The following NVL variants were observed in gnomAD, a reference collection of about 807,000 sequenced individuals.
NVL encodes nuclear valosin-containing protein-like.
A neutral mutation model predicts 110.2 loss-of-function variants in NVL; 84 were observed. The observed-to-expected ratio is 0.76, with a 90% CI of 0.64 to 0.91. The LOEUF (loss-of-function observed/expected upper bound fraction) is 0.91. Among genes scored for constraint, NVL ranks in the 40% least tolerant of loss-of-function variants. The pLI, the probability that NVL is intolerant of heterozygous loss-of-function variation, is 0.00. For synonymous variants in NVL, 354 were observed against 361.1 expected (o/e 0.98, Z 0.22); for missense variants, 882 against 1,035.9 (o/e 0.85, Z 2.04).
chr1:224,294,373 T>C lies in NVL; in HGVS notation c.1219A>G (p.Ile407Val). The change falls in exon 12 of 23, where the codon ATT becomes GTT. Residue 407 changes from isoleucine (I) to valine (V), a missense_variant. Ile to Val is a conservative substitution (Grantham distance 29). Around this residue, in one of 4 missense-constraint regions of NVL, gnomAD observed 416 missense variants for 499.3 expected, o/e 0.83. Transcript: ENST00000281701. ...NVAATARVLV[I>V]GATNRPDSLD... Reference sequence around the variant, plus strand: ...GAGTCTGGTCGATTAGTAGCTCCAATAACTAGGACCCGGGCTGTAGCAGCC... The same window carrying C: ...GAGTCTGGTCGATTAGTAGCTCCAACAACTAGGACCCGGGCTGTAGCAGCC... The C allele has an allele frequency of 1.2e-6, 2 of 1,614,024 alleles. No homozygotes were observed. Among genetic ancestry groups the C allele is most frequent in the East Asian group, 2.2e-5 (1 of 44,868 alleles).
chr1:224,240,785 T>C (rs1661103657), intron 19 of NVL, among the ~76,000 whole-genome samples: 1 of 92,810 alleles, frequency 1.1e-5, no homozygotes, highest in African/African-American at 5.7e-5. Flanking sequence ...AAACTGTCCT[T>C]TTTTTTTTTT....
intron 15 of NVL, among the ~76,000 whole-genome samples, chr1:224,285,430 G>A (rs550138174): frequency 5.3e-5 from 8 of 151,988 alleles, no homozygotes; most frequent in African/African-American, 1.2e-4. Context: ...ATGAGACTCC[G>A]TCTCAAAAAT....
intron 6 of NVL, among the ~76,000 whole-genome samples, chr1:224,306,577 T>C (rs1668941858): frequency 6.6e-6 from 1 of 152,050 alleles, no homozygotes; most frequent in Non-Finnish European, 1.5e-5. Flanking sequence ...AAAAAAATTG[T>C]TTTTAAGTAT....
chr1:224,304,343 T>C (rs1668707996), intron 8 of NVL, among the ~76,000 whole-genome samples: 1 of 152,134 alleles, frequency 6.6e-6, no homozygotes, highest in African/African-American at 2.4e-5. Context: ...AAGAATCTCT[T>C]GAACCTGGGA....
At chr1:224,329,926 A>G in intron 1 of NVL, 145 bp downstream of exon 1, 5 of 776,316 alleles carry the variant, frequency 6.4e-6, no homozygotes, top group South Asian at 5.1e-5. Context: ...AGCACCAACT[A>G]AGGAGAAACA....
rs2102757186 is a variant in NVL at position 224,250,302 on chromosome 1, T to C, written c.2199A>G (p.Ala733=). ...ATNRPDIIDP[A]ILRPGRLDKT... is the part of the protein sequence containing the mutation. ...TGTCCAGGCGGCCCGGGCGCAGGATTGCAGGGTCAATTATATCTAGAGAAG... is the reference window on the plus strand; with the variant it reads ...TGTCCAGGCGGCCCGGGCGCAGGATCGCAGGGTCAATTATATCTAGAGAAG... The change falls in exon 19 of 23, where the codon GCA becomes GCG. Residue 733 remains alanine, a synonymous_variant. Coordinates refer to ENST00000281701, the MANE Select transcript of NVL (RefSeq NM_002533.4). 2 of 1,590,234 alleles carry C rather than the reference T, an allele frequency of 1.3e-6. No individual in the cohort carries two copies. The highest frequency in any genetic ancestry group is 8.5e-7 in the Non-Finnish European group (1 of 1,172,044).
Position 224,295,189 on chromosome 1 carries a change from A to G in NVL, c.1181-778T>C, listed in dbSNP as rs955071433. Among the ~76,000 whole-genome samples the G allele has an allele frequency of 2.6e-5, 4 of 151,494 alleles. No homozygotes were observed. In the East Asian group the frequency reaches 5.8e-4, roughly 22 times the overall value. ...TAATTAAATCATGAGGAGTTTATAC[A>G]GTGTGTTCTTTTTTTTTTTTTGAGA... On this transcript the variant is annotated intron_variant, in intron 11 of 22. Coordinates refer to ENST00000281701, the MANE Select transcript of NVL (RefSeq NM_002533.4).
At chr1:224,249,363 C>G (rs1662209700) in intron 19 of NVL, among the ~76,000 whole-genome samples, 1 of 152,112 alleles carries the variant, frequency 6.6e-6, no homozygotes, top group Non-Finnish European at 1.5e-5. Flanking sequence ...GAGGTCAAAG[C>G]AATCCACCTG....
intron 19 of NVL, among the ~76,000 whole-genome samples, chr1:224,247,277 C>T (rs1661959127): frequency 6.6e-6 from 1 of 152,032 alleles, no homozygotes; most frequent in South Asian, 2.1e-4. Flanking sequence ...GTGACCATGG[C>T]ACACTGCAGC....
At chr1:224,271,809 G>A (rs887313853) in intron 17 of NVL, among the ~76,000 whole-genome samples, 4 of 151,876 alleles carry the variant, frequency 2.6e-5, no homozygotes, top group African/African-American at 7.3e-5. Context: ...TCAGGAGTTC[G>A]AGACCAGTCT....
At chr1:224,287,729 T>G (rs776155685) in intron 14 of NVL, 46 bp downstream of exon 14, 4 of 1,533,092 alleles carry the variant, frequency 2.6e-6, no homozygotes, top group Non-Finnish European at 3.6e-6. Flanking sequence ...ATCTCTGGTC[T>G]TTAATCCATG....
intron 2 of NVL, among the ~76,000 whole-genome samples, chr1:224,322,714 G>C (rs886144473): frequency 2.0e-5 from 3 of 152,196 alleles, no homozygotes; most frequent in African/African-American, 7.2e-5. Context: ...AGCATGTTGG[G>C]AGAATGAGGC....
At chr1:224,248,573 G>C (rs1662118922) in intron 19 of NVL, among the ~76,000 whole-genome samples, 1 of 152,110 alleles carries the variant, frequency 6.6e-6, no homozygotes, top group African/African-American at 2.4e-5. Flanking sequence ...TCCTTTGTCA[G>C]CATCAAAAGA....
At chr1:224,288,958 T>C (rs549989792) in intron 13 of NVL, among the ~76,000 whole-genome samples, 17 of 152,354 alleles carry the variant, frequency 1.1e-4, no homozygotes, top group African/African-American at 3.4e-4. Context: ...GACATGGATA[T>C]AGTTGTGTCA....
At chr1:224,295,468 A>G (rs1571982544) in intron 11 of NVL, among the ~76,000 whole-genome samples, 1 of 151,970 alleles carries the variant, frequency 6.6e-6, no homozygotes. Flanking sequence ...CCAAAGTGCT[A>G]AGATTACAGG....
At chr1:224,230,274 A>G (rs1477292044) in intron 22 of NVL, among the ~76,000 whole-genome samples, 1 of 152,248 alleles carries the variant, frequency 6.6e-6, no homozygotes, top group Non-Finnish European at 1.5e-5. Flanking sequence ...AAAAGCGTAG[A>G]GTAGGTCAAA....
intron 19 of NVL, among the ~76,000 whole-genome samples, chr1:224,248,423 A>G (rs1244198899): frequency 1.3e-5 from 2 of 152,146 alleles, no homozygotes; most frequent in African/African-American, 4.8e-5. Flanking sequence ...CTGTGCATCA[A>G]TAGAATCTTT....
At chr1:224,315,347 G>A (rs1669964060) in intron 4 of NVL, among the ~76,000 whole-genome samples, 1 of 152,098 alleles carries the variant, frequency 6.6e-6, no homozygotes, top group African/African-American at 2.4e-5. Context: ...CTTAATACTG[G>A]GAACCAATGT....
intron 5 of NVL, among the ~76,000 whole-genome samples, chr1:224,311,529 C>T (rs536118237): frequency 1.1e-4 from 17 of 150,854 alleles, no homozygotes; most frequent in South Asian, 6.2e-4. Context: ...CCACCATGCC[C>T]GGCTAACTTT....
Sources: allele counts gnomAD v4.1 joint callset (sites outside exome capture counted in the v4.1 genomes callset), GRCh38; gene constraint gnomAD v4.1.1; regional missense constraint gnomAD v4.1.1; transcripts MANE v1.5; gene names NCBI Gene and HGNC (gene_info 2026-07-23, HGNC 2026-07-21).